IKZF2: variants seen among roughly 807,000 people sequenced by gnomAD.
IKZF2 encodes IKAROS family zinc finger 2, also known as zinc finger protein Helios.
In IKZF2, 15 loss-of-function variants were observed where a neutral mutation model predicts 49.2. That is an observed-to-expected ratio of 0.30 (90% confidence interval 0.20 to 0.47). The LOEUF (loss-of-function observed/expected upper bound fraction) is 0.47, where lower values mean the gene tolerates loss of function less well. Ranked by LOEUF, IKZF2 falls within the 20% of genes least tolerant of loss-of-function variation. The pLI is 1.00. For missense variants in IKZF2, 567 were observed against 664.6 expected (o/e 0.85, Z 1.61); for synonymous variants, 227 against 221.4 (o/e 1.03, Z -0.23).
intron 6 of IKZF2, among the ~76,000 whole-genome samples, chr2:213,039,409 A>G (rs1317433134): frequency 6.6e-6 from 1 of 152,106 alleles, no homozygotes; most frequent in Non-Finnish European, 1.5e-5. Context: ...TTGTTTTAAC[A>G]GATGGGGATT....
chr2:213,055,975 A>G (rs1205827522), intron 5 of IKZF2, among the ~76,000 whole-genome samples: 1 of 152,124 alleles, frequency 6.6e-6, no homozygotes, highest in African/African-American at 2.4e-5. Context: ...GAAAGCCATC[A>G]TTACCATTAA....
chr2:213,112,438 C>T (rs2059739368), intron 4 of IKZF2, among the ~76,000 whole-genome samples: 1 of 150,356 alleles, frequency 6.7e-6, no homozygotes, highest in African/African-American at 2.4e-5. Context: ...TGAAACAATA[C>T]TACACATAAT....
At chr2:213,054,591 T>C (rs904839543) in intron 5 of IKZF2, among the ~76,000 whole-genome samples, 13 of 152,302 alleles carry the variant, frequency 8.5e-5, no homozygotes, top group African/African-American at 2.9e-4. Flanking sequence ...TGATATCATG[T>C]CCACAATTTC....
intron 6 of IKZF2, among the ~76,000 whole-genome samples, chr2:213,047,788 T>A (rs912393271): frequency 6.6e-6 from 1 of 152,104 alleles, no homozygotes; most frequent in Non-Finnish European, 1.5e-5. Flanking sequence ...TTAGAAATAC[T>A]TACCTCATAA....
At chr2:213,100,024 G>A (rs1458141830) in intron 4 of IKZF2, among the ~76,000 whole-genome samples, 2 of 151,974 alleles carry the variant, frequency 1.3e-5, no homozygotes, top group Non-Finnish European at 2.9e-5. Flanking sequence ...GTGGGTTTTT[G>A]ATATGTTTAT....
chr2:213,137,748 G>C lies in IKZF2; in HGVS notation c.139+9960C>G, dbSNP rs532030417. On this transcript the variant is annotated intron_variant, in intron 4 of 8. Coordinates refer to ENST00000434687, the MANE Select transcript of IKZF2 (RefSeq NM_001387220.1). Reference sequence around the variant, plus strand: ...TGTGTATTTTTAAACAACAAAACAAGGATATTTATGAAAATGGCCATGAAA... The same window carrying C: ...TGTGTATTTTTAAACAACAAAACAACGATATTTATGAAAATGGCCATGAAA... 2.0e-5 allele frequency among the ~76,000 whole-genome samples: 3 copies of C among 152,008 alleles called. No individual in the cohort carries two copies. In the South Asian group the frequency reaches 6.2e-4, roughly 32 times the overall value.
intron 6 of IKZF2, among the ~76,000 whole-genome samples, chr2:213,041,908 A>G (rs1699703024): frequency 6.6e-6 from 1 of 152,172 alleles, no homozygotes; most frequent in African/African-American, 2.4e-5. Context: ...CAAACAAACA[A>G]AAAGAAGTAA....
At chr2:213,144,988 G>A (rs749626022) in intron 4 of IKZF2, among the ~76,000 whole-genome samples, 22 of 151,658 alleles carry the variant, frequency 1.5e-4, no homozygotes, top group African/African-American at 3.9e-4. Flanking sequence ...GATAGCTGCC[G>A]TCATTATTTT....
chr2:213,151,958 T>G (rs1484490409), upstream of IKZF2, among the ~76,000 whole-genome samples: 3 of 151,482 alleles, frequency 2.0e-5, no homozygotes, highest in Non-Finnish European at 4.4e-5. Context: ...CCCCGGAGGC[T>G]CCGCGACGCG....
intron 4 of IKZF2, among the ~76,000 whole-genome samples, chr2:213,121,081 T>C (rs1409326066): frequency 1.3e-5 from 2 of 152,204 alleles, no homozygotes; most frequent in Non-Finnish European, 2.9e-5. Context: ...AATCTGATTC[T>C]CTTTAAAGGA....
intron 7 of IKZF2, among the ~76,000 whole-genome samples, chr2:213,020,786 C>G (rs1317707478): frequency 6.6e-6 from 1 of 152,116 alleles, no homozygotes; most frequent in Non-Finnish European, 1.5e-5. Context: ...CTCTATAAAA[C>G]AAACAGAAAA....
chr2:213,128,804 C>CTTGTTTTTTT (rs2060359780), intron 4 of IKZF2, among the ~76,000 whole-genome samples: 1 of 113,182 alleles, frequency 8.8e-6, no homozygotes, highest in East Asian at 2.6e-4. Context: ...ATTTTTTTTT[C>CTTGTTTTTTT]TTTTTTTTTT....
At chr2:213,045,406 G>A (rs906192975) in intron 6 of IKZF2, among the ~76,000 whole-genome samples, 2 of 152,174 alleles carry the variant, frequency 1.3e-5, no homozygotes, top group African/African-American at 4.8e-5. Context: ...AAGATAATCA[G>A]AAGCAGTTTT....
Position 213,001,635 on chromosome 2 carries a change from A to C in IKZF2, c.*5725T>G, listed in dbSNP as rs1290835725. On this transcript the variant is annotated 3_prime_UTR_variant, in exon 9 of 9. Coordinates refer to ENST00000434687, the MANE Select transcript of IKZF2 (RefSeq NM_001387220.1). ...AATCACGAAAAAAAAATTAAGATTAAATTACCAATGAACTAGAAATAAGAG... is the reference window on the plus strand; with the variant it reads ...AATCACGAAAAAAAAATTAAGATTACATTACCAATGAACTAGAAATAAGAG... 6.6e-6 allele frequency: 1 copy of C among 151,822 alleles called. No homozygotes were observed. The highest frequency in any genetic ancestry group is 1.9e-4 in the East Asian group (1 of 5,176). 9.4% of individuals were successfully genotyped at this position (151,822 alleles called of 1,614,324 possible).
intron 6 of IKZF2, among the ~76,000 whole-genome samples, chr2:213,040,181 CT>C (rs964740070): frequency 2.2e-4 from 33 of 148,484 alleles, no homozygotes; most frequent in African/African-American, 7.4e-4. Flanking sequence ...GTTTTTTTAA[CT>C]TTTATTTTAA....
intron 4 of IKZF2, among the ~76,000 whole-genome samples, chr2:213,113,950 C>G (rs1476374388): frequency 2.0e-5 from 3 of 152,144 alleles, no homozygotes; most frequent in African/African-American, 4.8e-5. Context: ...GCCTATCTCC[C>G]ACTGCAACTG....
intron 7 of IKZF2, among the ~76,000 whole-genome samples, chr2:213,017,256 T>C (rs565417956): frequency 4.6e-5 from 7 of 152,266 alleles, no homozygotes; most frequent in African/African-American, 1.2e-4. Flanking sequence ...AACTACTACG[T>C]TGGGCCACTA....
chr2:213,078,366 G>A (rs1331530995), intron 4 of IKZF2, among the ~76,000 whole-genome samples: 1 of 152,110 alleles, frequency 6.6e-6, no homozygotes, highest in Admixed American at 6.5e-5. Context: ...AACAAAATCA[G>A]TATCCTACAG....
At chr2:213,115,176 C>G (rs550820139) in intron 4 of IKZF2, among the ~76,000 whole-genome samples, 2 of 152,184 alleles carry the variant, frequency 1.3e-5, no homozygotes, top group Non-Finnish European at 2.9e-5. Flanking sequence ...TAATTCCATT[C>G]ATTCAGTATT....
Sources: gnomAD v4.1 joint callset for allele counts (sites outside exome capture counted in the v4.1 genomes callset) on GRCh38, gnomAD v4.1.1 for gene constraint, MANE v1.5 for transcripts, NCBI Gene and HGNC (gene_info 2026-07-23, HGNC 2026-07-21) for gene names.